Variants in SPECC1L observed in about 807,000 individuals in gnomAD.
The protein encoded by SPECC1L is sperm antigen with calponin homology and coiled-coil domains 1 like.
Under a neutral mutation model 116.8 loss-of-function variants are expected in SPECC1L, and 40 were observed. The ratio of observed to expected loss-of-function variants is 0.34; its 90% CI spans 0.27 to 0.45. The LOEUF is 0.45. Among genes scored for constraint, SPECC1L ranks in the 20% least tolerant of loss-of-function variants. The pLI, the probability that SPECC1L is intolerant of heterozygous loss-of-function variation, is 1.00. For synonymous variants in SPECC1L, 504 were observed against 500.6 expected (o/e 1.01, Z -0.09); for missense variants, 1,110 against 1,373.6 (o/e 0.81, Z 3.03).
intron 1 of SPECC1L, among the ~76,000 whole-genome samples, chr22:24,271,939 A>G (rs1361664664): frequency 6.6e-6 from 1 of 152,222 alleles, no homozygotes; most frequent in Non-Finnish European, 1.5e-5. Flanking sequence ...ATTTGCTGTC[A>G]CCCAGTAGGA....
intron 6 of SPECC1L, among the ~76,000 whole-genome samples, chr22:24,325,581 A>ATTTATTTATTTATT (rs1569421899): frequency 1.4e-5 from 2 of 143,914 alleles, no homozygotes; most frequent in East Asian, 2.1e-4. Flanking sequence ...ATTTATTTAT[A>ATTTATTTATTTATT]AGAGGTGACA....
intron 2 of SPECC1L, among the ~76,000 whole-genome samples, chr22:24,301,156 A>G (rs897353564): frequency 3.3e-5 from 5 of 152,232 alleles, no homozygotes; most frequent in African/African-American, 9.6e-5. Context: ...ACAGCAAAAG[A>G]AACTATCATC....
At chr22:24,340,356 A>G (rs931653102) in intron 10 of SPECC1L, among the ~76,000 whole-genome samples, 2 of 151,990 alleles carry the variant, frequency 1.3e-5, no homozygotes, top group Non-Finnish European at 2.9e-5. Flanking sequence ...CACGTTGGCC[A>G]AGCTGGTCTC....
chr22:24,292,263 A>G (rs1424520197), intron 2 of SPECC1L, among the ~76,000 whole-genome samples: 1 of 152,128 alleles, frequency 6.6e-6, no homozygotes, highest in African/African-American at 2.4e-5. Flanking sequence ...CTTTTGGTAT[A>G]TTTCTGAAAC....
At chr22:24,287,588 C>T (rs2049065687) in intron 2 of SPECC1L, among the ~76,000 whole-genome samples, 1 of 152,098 alleles carries the variant, frequency 6.6e-6, no homozygotes, top group Non-Finnish European at 1.5e-5. Flanking sequence ...CACACCAAGG[C>T]CCCCTATAGT....
At chr22:24,372,853 C>T (rs935977528) in intron 14 of SPECC1L, among the ~76,000 whole-genome samples, 11 of 152,298 alleles carry the variant, frequency 7.2e-5, no homozygotes, top group African/African-American at 2.2e-4. Context: ...TTGCAGATGA[C>T]ATGATTATAT....
chr22:24,352,333 G>A (rs2041442492), intron 11 of SPECC1L, among the ~76,000 whole-genome samples: 1 of 152,194 alleles, frequency 6.6e-6, no homozygotes, highest in African/African-American at 2.4e-5. Flanking sequence ...CAGCTGGCTG[G>A]TGTAAATGGT....
chr22:24,321,017 A>T (rs534301753), intron 4 of SPECC1L, among the ~76,000 whole-genome samples: 2 of 152,364 alleles, frequency 1.3e-5, no homozygotes, highest in East Asian at 3.9e-4. Flanking sequence ...AGCTTTGTAG[A>T]AATGTAATTC....
intron 14 of SPECC1L, among the ~76,000 whole-genome samples, chr22:24,387,315 A>G (rs574160570): frequency 3.3e-5 from 5 of 152,366 alleles, no homozygotes; most frequent in African/African-American, 9.6e-5. Context: ...AGTCTAAACT[A>G]TGATTCCATT....
chr22:24,321,335 T>A lies in SPECC1L; in HGVS notation c.355T>A (p.Ser119Thr). ...KRSTSTGNKE[S>T]SSTRERLRER... ...GAGCACTTCTACAGGTAATAAAGAA[T>A]CCAGTTCTACTAGAGAAAGATTACG... The change falls in exon 5 of 17, where the codon TCC becomes ACC. Residue 119 changes from serine to threonine, a missense_variant. Ser to Thr is a moderately conservative substitution (Grantham distance 58). Transcript: ENST00000314328. 6.2e-7 allele frequency: 1 copy of A among 1,614,244 alleles called. No homozygotes were observed. The highest frequency in any genetic ancestry group is 8.5e-7 in the Non-Finnish European group (1 of 1,180,040).
chr22:24,324,550 G>A (rs889425153), intron 6 of SPECC1L, 123 bp downstream of exon 6: 7 of 935,472 alleles, frequency 7.5e-6, no homozygotes, highest in Middle Eastern at 3.2e-4. Flanking sequence ...CAGCACTTTG[G>A]GAGTTCAAAA....
At chr22:24,400,313 A>G (rs1356318568) in intron 14 of SPECC1L, among the ~76,000 whole-genome samples, 2 of 152,236 alleles carry the variant, frequency 1.3e-5, no homozygotes, top group Non-Finnish European at 2.9e-5. Context: ...ATATAAATAG[A>G]ATCATACAGT....
At chr22:24,275,078 C>A (rs199785772) in intron 1 of SPECC1L, among the ~76,000 whole-genome samples, 6 of 152,234 alleles carry the variant, frequency 3.9e-5, no homozygotes, top group Admixed American at 3.9e-4. Context: ...CAGGCATCAC[C>A]TTGCCTGGAA....
At chr22:24,352,988 C>T (rs998701499) in intron 11 of SPECC1L, among the ~76,000 whole-genome samples, 1 of 152,234 alleles carries the variant, frequency 6.6e-6, no homozygotes, top group Non-Finnish European at 1.5e-5. Context: ...CACTACCCTT[C>T]AGCATGCATA....
chr22:24,374,424 A>G (rs1475375314), intron 14 of SPECC1L, among the ~76,000 whole-genome samples: 1 of 152,116 alleles, frequency 6.6e-6, no homozygotes, highest in Non-Finnish European at 1.5e-5. Flanking sequence ...CATATACACC[A>G]TGGAATACTA....
chr22:24,295,407 G>GGGT (rs1469694167), intron 2 of SPECC1L, among the ~76,000 whole-genome samples: 1 of 149,730 alleles, frequency 6.7e-6, no homozygotes, highest in African/African-American at 2.5e-5. Context: ...TTTGTTGCAT[G>GGGT]GGTATGTTGC....
At chr22:24,303,374 G>A (rs1005307209) in intron 3 of SPECC1L, among the ~76,000 whole-genome samples, 1 of 152,202 alleles carries the variant, frequency 6.6e-6, no homozygotes, top group African/African-American at 2.4e-5. Flanking sequence ...TGACCTGGAG[G>A]ATGGTGCCAG....
At chr22:24,383,884 CTCAGGTGA>C (rs2042112494) in intron 14 of SPECC1L, among the ~76,000 whole-genome samples, 1 of 140,256 alleles carries the variant, frequency 7.1e-6, no homozygotes, top group Non-Finnish European at 1.5e-5. Flanking sequence ...AACTCCAGAC[CTCAGGTGA>C]TCCGCCCACC....
rs550028943 is a variant in SPECC1L at position 24,317,062 on chromosome 22, G to C, written c.307+3596G>C. Among the ~76,000 whole-genome samples, 24 of 118,534 alleles carry C rather than the reference G, an allele frequency of 2.0e-4. 2 individuals are homozygous for C. In the South Asian group the frequency reaches 2.2e-3, roughly 11 times the overall value. The allele number at this position is 118,534 out of a possible 152,430, so 77.8% of individuals were successfully genotyped here. ...TGACCCCCCCACCTCCCTCCCGGAG[G>C]GGGTGGCTGGCCGGGCGGTGGGGCT... On this transcript the variant is annotated intron_variant, in intron 4 of 16. Coordinates refer to ENST00000314328, the MANE Select transcript of SPECC1L (RefSeq NM_015330.6).
Sources: allele counts gnomAD v4.1 joint callset (sites outside exome capture counted in the v4.1 genomes callset), GRCh38; gene constraint gnomAD v4.1.1; transcripts MANE v1.5; gene names NCBI Gene and HGNC (gene_info 2026-07-23, HGNC 2026-07-21).